The following COG3 variants were observed in gnomAD, a reference collection of about 807,000 sequenced individuals.
The protein encoded by COG3 is conserved oligomeric Golgi complex subunit 3.
COG3 carries 32 observed loss-of-function variants against 114.1 expected under a neutral mutation model. That is an observed-to-expected ratio of 0.28 (90% CI 0.21 to 0.38). The LOEUF is 0.38. Among genes scored for constraint, COG3 ranks in the 10% least tolerant of loss-of-function variants. The probability of loss-of-function intolerance (pLI) is 1.00; values close to 1 mark genes in which losing one functional copy is unlikely to be tolerated. For synonymous variants in COG3, 352 were observed against 365.7 expected (o/e 0.96, Z 0.43); for missense variants, 813 against 973.2 (o/e 0.84, Z 2.19).
At chr13:45,486,623 T>C (rs1886687869) in intron 8 of COG3, 48 bp downstream of exon 8, 2 of 1,134,144 alleles carry the variant, frequency 1.8e-6, no homozygotes, top group South Asian at 2.5e-5. Flanking sequence ...TTTGTTCATC[T>C]GCCCTTTTGA....
At chr13:45,471,992 G>A (rs546958113) in intron 1 of COG3, among the ~76,000 whole-genome samples, 6 of 152,182 alleles carry the variant, frequency 3.9e-5, no homozygotes, top group South Asian at 4.1e-4. Flanking sequence ...CTCGGCCTCC[G>A]AAAGTGCTGG....
At chr13:45,504,446 C>G (rs1265675274) in intron 14 of COG3, among the ~76,000 whole-genome samples, 1 of 152,166 alleles carries the variant, frequency 6.6e-6, no homozygotes, top group Non-Finnish European at 1.5e-5. Flanking sequence ...CTTGCCAACC[C>G]CGGACTTGTG....
In COG3 at chr13:45,529,929, G is replaced by T. The variant is rs1873018594; in HGVS notation, c.2358+11G>T. Reference sequence around the variant, plus strand: ...TTTAAACCTGTGAGGGTGAGTATCAGATAACTCATTTGAATGTTGGCGGGT... The same window carrying T: ...TTTAAACCTGTGAGGGTGAGTATCATATAACTCATTTGAATGTTGGCGGGT... On this transcript the variant is annotated intron_variant, in intron 21 of 22. Coordinates refer to ENST00000349995, the MANE Select transcript of COG3 (RefSeq NM_031431.4). 1.3e-6 allele frequency: 2 copies of T among 1,595,706 alleles called. No homozygotes were observed. The highest frequency in any genetic ancestry group is 1.1e-5 in the South Asian group (1 of 86,982).
chr13:45,530,687 T>C lies in COG3; in HGVS notation c.2364T>C (p.Asn788=), dbSNP rs1873098715. 2 of 1,594,666 alleles carry C rather than the reference T, an allele frequency of 1.3e-6. No individual in the cohort carries two copies. The highest frequency in any genetic ancestry group is 2.2e-5 in the East Asian group (1 of 44,764). The change falls in exon 22 of 23, where the codon AAT becomes AAC. Residue 788 remains asparagine (N), a synonymous_variant. Transcript: ENST00000349995. Reference sequence around the variant, plus strand: ...CTCCTCTCCTCCTTTCTAAGAATAATATTCAGCAAGTCTTCCAGAAGTTCC... The same window carrying C: ...CTCCTCTCCTCCTTTCTAAGAATAACATTCAGCAAGTCTTCCAGAAGTTCC... ...EFILFKPVRN[N]IQQVFQKFHA...
At chr13:45,497,453 A>G (rs1423060094) in intron 13 of COG3, among the ~76,000 whole-genome samples, 2 of 152,138 alleles carry the variant, frequency 1.3e-5, no homozygotes, top group African/African-American at 4.8e-5. Flanking sequence ...ACCCCCATTA[A>G]TTATTTTAAA....
chr13:45,490,072 A>C (rs139570623), intron 8 of COG3, among the ~76,000 whole-genome samples: 2 of 152,146 alleles, frequency 1.3e-5, no homozygotes, highest in African/African-American at 4.8e-5. Context: ...CCAAAATAAT[A>C]TATTCTAAGT....
At position 45,534,788 on chromosome 13, in the gene COG3, T is replaced by G. The variant is rs1873447142; in HGVS notation, c.*57T>G. 3 of 1,528,766 alleles carry G rather than the reference T, an allele frequency of 2.0e-6. No homozygotes were observed. The highest frequency in any genetic ancestry group is 2.2e-5 in the Admixed American group (1 of 46,452). The allele number at this position is 1,528,766 out of a possible 1,614,324, so 94.7% of individuals were successfully genotyped here. On this transcript the variant is annotated 3_prime_UTR_variant, in exon 23 of 23. Transcript: ENST00000349995. ...TGTCTGGGAGGAGCAGGCTGAGAAG[T>G]CTTGCAGTCTGCAGGACACCGAGGA...
At chr13:45,497,124 G>A (rs993462993) in intron 13 of COG3, among the ~76,000 whole-genome samples, 16 of 152,214 alleles carry the variant, frequency 1.1e-4, no homozygotes, top group African/African-American at 3.9e-4. Context: ...CAGGTTGATG[G>A]TGATGATGTA....
chr13:45,507,476 A>T (rs2137872355), intron 14 of COG3, among the ~76,000 whole-genome samples: 1 of 152,264 alleles, frequency 6.6e-6, no homozygotes, highest in Admixed American at 6.5e-5. Flanking sequence ...TGTAAAGTGA[A>T]AGTACTGGCC....
chr13:45,521,301 C>T (rs935394326), intron 19 of COG3, among the ~76,000 whole-genome samples: 1 of 152,194 alleles, frequency 6.6e-6, no homozygotes, highest in South Asian at 2.1e-4. Context: ...ATATTCCCTT[C>T]GTAATGGGAT....
chr13:45,473,135 C>T (rs1185184102), intron 1 of COG3, among the ~76,000 whole-genome samples: 2 of 152,198 alleles, frequency 1.3e-5, no homozygotes, highest in African/African-American at 4.8e-5. Context: ...TCCCAAAGTG[C>T]TGGGATTACA....
At chr13:45,520,338 G>A (rs1485075185) in intron 19 of COG3, among the ~76,000 whole-genome samples, 1 of 109,560 alleles carries the variant, frequency 9.1e-6, no homozygotes, top group Non-Finnish European at 2.0e-5. Context: ...GAAAGAAAAC[G>A]TCTTGAAATT....
chr13:45,474,242 T>C (rs1354661327), intron 1 of COG3, among the ~76,000 whole-genome samples: 1 of 148,750 alleles, frequency 6.7e-6, no homozygotes, highest in African/African-American at 2.5e-5. Context: ...ACTGCAAGCT[T>C]CACTTCCCGG....
chr13:45,503,842 A>G (rs1869819698), intron 14 of COG3, among the ~76,000 whole-genome samples: 2 of 152,146 alleles, frequency 1.3e-5, no homozygotes, highest in South Asian at 4.1e-4. Context: ...TGATAGTCTC[A>G]TGGCCTTTGG....
rs573493795 is a variant in COG3 at position 45,466,528 on chromosome 13, G to T, written c.174+1318G>T. 6.9e-4 allele frequency: 105 copies of T among 152,242 alleles called. 2 individuals carry two copies. Among genetic ancestry groups the T allele is most frequent in the African/African-American group, 2.5e-3 (105 of 41,540 alleles). 9.4% of individuals were successfully genotyped at this position (152,242 alleles called of 1,614,324 possible). A position where few individuals can be genotyped will look rare whatever the true frequency, so the allele number is the denominator to read the frequency against. On this transcript the variant is annotated intron_variant, in intron 1 of 22. Coordinates refer to ENST00000349995, the MANE Select transcript of COG3 (RefSeq NM_031431.4). ...TTTTCCACCTCTAGGATATGGTACC[G>T]GAAGTGGATCTGAAATCAATGAAGG...
At chr13:45,511,962 T>G in intron 16 of COG3, 108 bp downstream of exon 16, 1 of 794,594 alleles carries the variant, frequency 1.3e-6, no homozygotes, top group Non-Finnish European at 2.1e-6. Flanking sequence ...TAGGATTTGT[T>G]TAACATGATT....
intron 12 of COG3, chr13:45,493,968 C>A (rs1868412031): frequency 6.6e-6 from 1 of 152,658 alleles, no homozygotes; most frequent in African/African-American, 2.4e-5. Flanking sequence ...ATACATTCTT[C>A]AGTATTTGAT....
chr13:45,498,798 T>C (rs78004972), intron 13 of COG3, among the ~76,000 whole-genome samples: 14 of 148,390 alleles, frequency 9.4e-5, no homozygotes, highest in African/African-American at 1.3e-4. Flanking sequence ...TTTTTTTTTT[T>C]CAAATTGTTT....
At chr13:45,476,112 C>A in intron 1 of COG3, 89 bp from the exon 2 acceptor site, 1 of 1,245,710 alleles carries the variant, frequency 8.0e-7, no homozygotes, top group South Asian at 1.3e-5. Context: ...CTTTCTCTTT[C>A]AAAACAACTG....
Sources: allele counts gnomAD v4.1 joint callset (sites outside exome capture counted in the v4.1 genomes callset), GRCh38; gene constraint gnomAD v4.1.1; transcripts MANE v1.5; gene names NCBI Gene and HGNC (gene_info 2026-07-23, HGNC 2026-07-21).